Variants in AMZ2 observed in about 807,000 individuals in gnomAD.
AMZ2 encodes archaelysin family metallopeptidase 2, also known as archaemetzincin-2.
In AMZ2, 26 loss-of-function variants were observed where a neutral mutation model predicts 36.7. The ratio of observed to expected loss-of-function variants is 0.71; its 90% confidence interval spans 0.52 to 0.98. AMZ2 has a LOEUF of 0.98. Ranked by LOEUF, AMZ2 falls within the 50% of genes least tolerant of loss-of-function variation. The pLI is 0.00. For missense variants in AMZ2, 394 were observed against 430.5 expected, an observed-to-expected ratio of 0.92 and a Z score of 0.75; for synonymous variants, 144 against 149.1, an observed-to-expected ratio of 0.97 and a Z score of 0.25.
intron 5 of AMZ2, among the ~76,000 whole-genome samples, chr17:68,254,806 C>G (rs2074772675): frequency 6.6e-6 from 1 of 152,188 alleles, no homozygotes; most frequent in Non-Finnish European, 1.5e-5. Flanking sequence ...TGGCTGTACC[C>G]ATGTGCTATT....
chr17:68,222,783 G>A (rs1247453140), intron 1 of AMZ2, among the ~76,000 whole-genome samples: 9 of 152,188 alleles, frequency 5.9e-5, no homozygotes, highest in East Asian at 5.8e-4. Context: ...ATGGTAATGC[G>A]AGCAATAAGG....
At chr17:68,250,086 A>T (rs1163844350) in intron 1 of AMZ2, 102 bp from the exon 2 acceptor site, 3 of 1,292,124 alleles carry the variant, frequency 2.3e-6, no homozygotes, top group Non-Finnish European at 3.2e-6. Context: ...GCAATCAGTC[A>T]TTTCACTCTA....
chr17:68,209,634 T>A (rs56334411), intron 1 of AMZ2, among the ~76,000 whole-genome samples: 2,705 of 84,332 alleles, frequency 0.032, 21 homozygotes, highest in Non-Finnish European at 0.047. Context: ...ATATATATAT[T>A]TTTTTTTTTT....
At chr17:68,241,881 A>T (rs1599372812) in intron 1 of AMZ2, among the ~76,000 whole-genome samples, 1 of 149,014 alleles carries the variant, frequency 6.7e-6, no homozygotes, top group South Asian at 2.1e-4. Flanking sequence ...GCACCACCAC[A>T]CCTGGCTAAT....
chr17:68,244,935 T>C (rs1407568131), upstream of AMZ2, among the ~76,000 whole-genome samples: 1 of 152,216 alleles, frequency 6.6e-6, no homozygotes, highest in African/African-American at 2.4e-5. Context: ...TCATGGTGTT[T>C]ATCTTTTCTG....
chr17:68,239,986 G>A (rs1452021631), intron 1 of AMZ2, among the ~76,000 whole-genome samples: 2 of 152,204 alleles, frequency 1.3e-5, no homozygotes. Context: ...AAATGAGAGG[G>A]TGTATTTTAG....
chr17:68,248,575 C>T lies in AMZ2; in HGVS notation c.-131C>T, dbSNP rs2074196041. On this transcript the variant is annotated 5_prime_UTR_variant, in exon 1 of 7. Coordinates refer to ENST00000359904, the MANE Select transcript of AMZ2 (RefSeq NM_016627.5). ...TTAGGCTTGGGAGGCAAGAGGAGGC[C>T]TCCTGACCTTTCACACTGCCTTTTT... 1 of 986,014 alleles carries T rather than the reference C, an allele frequency of 1.0e-6. No individual in the cohort carries two copies. Among genetic ancestry groups the T allele is most frequent in the Non-Finnish European group, 1.2e-6 (1 of 830,028 alleles). 61.1% of individuals were successfully genotyped at this position (986,014 alleles called of 1,614,324 possible). A position where few individuals can be genotyped will look rare whatever the true frequency, so the allele number is the denominator to read the frequency against.
At chr17:68,256,703 C>T (rs1434828671) in intron 6 of AMZ2, 111 bp from the exon 7 acceptor site, 14 of 1,051,814 alleles carry the variant, frequency 1.3e-5, no homozygotes, top group Non-Finnish European at 1.8e-5. Flanking sequence ...TCAAATGCAG[C>T]GTCTTCATGG....
intron 1 of AMZ2, among the ~76,000 whole-genome samples, chr17:68,209,576 T>C (rs1040483528): frequency 5.9e-5 from 8 of 135,736 alleles, no homozygotes; most frequent in African/African-American, 2.3e-4. Context: ...AAGAAAATAA[T>C]TGTGGGTGTG....
intron 1 of AMZ2, among the ~76,000 whole-genome samples, chr17:68,210,671 G>A (rs1276694740): frequency 2.0e-5 from 3 of 152,194 alleles, no homozygotes; most frequent in Non-Finnish European, 4.4e-5. Context: ...GAGACAACCA[G>A]GTGTGGTAGC....
At chr17:68,218,122 T>C (rs2073250169) in intron 1 of AMZ2, among the ~76,000 whole-genome samples, 1 of 152,044 alleles carries the variant, frequency 6.6e-6, no homozygotes, top group Non-Finnish European at 1.5e-5. Context: ...AAAAAAAAGG[T>C]TCTTATACAT....
chr17:68,241,203 A>G (rs2073893802), intron 1 of AMZ2, among the ~76,000 whole-genome samples: 1 of 152,326 alleles, frequency 6.6e-6, no homozygotes, highest in African/African-American at 2.4e-5. Context: ...AAAGAATCAG[A>G]GAATCATAAA....
chr17:68,247,036 C>T (rs1432825957), upstream of AMZ2: 1 of 148,820 alleles, frequency 6.7e-6, no homozygotes, highest in African/African-American at 2.5e-5. Context: ...GGTGAAAACC[C>T]GTATTAAAAA....
chr17:68,250,314 C>T lies in AMZ2; in HGVS notation c.127C>T (p.Pro43Ser). ...ACGTTTAATGAATGAAGCCTTCCAG[C>T]CAGCCAGTGATCTCTTTGGACCCAT... is the stretch of plus-strand genomic sequence containing the variant. ...EQRLMNEAFQ[P>S]ASDLFGPITL... Residue 43 changes from proline to serine, a missense_variant, in exon 2 of 7, where the codon CCA becomes TCA. Coordinates refer to ENST00000359904, the MANE Select transcript of AMZ2 (RefSeq NM_016627.5). The T allele has an allele frequency of 6.2e-7, 1 of 1,614,186 alleles. No individual in the cohort carries two copies.
At chr17:68,252,885 T>C (rs1555740578) in intron 4 of AMZ2, among the ~76,000 whole-genome samples, 1 of 152,238 alleles carries the variant, frequency 6.6e-6, no homozygotes, top group African/African-American at 2.4e-5. Context: ...ACTTATCTTA[T>C]GTGTTTGAGG....
At chr17:68,221,222 C>CGA (rs71142150) in intron 1 of AMZ2, among the ~76,000 whole-genome samples, 19 of 85,624 alleles carry the variant, frequency 2.2e-4, no homozygotes, top group South Asian at 8.8e-4. Context: ...CCCCCCCGCC[C>CGA]CCCCGGTAGC....
At chr17:68,240,311 A>C (rs1555733749) in intron 1 of AMZ2, among the ~76,000 whole-genome samples, 1 of 152,234 alleles carries the variant, frequency 6.6e-6, no homozygotes, top group African/African-American at 2.4e-5. Flanking sequence ...GTCTCAACAT[A>C]TAAATTTTGT....
chr17:68,245,617 AG>A (rs1292719143), upstream of AMZ2, among the ~76,000 whole-genome samples: 1 of 152,176 alleles, frequency 6.6e-6, no homozygotes, highest in Non-Finnish European at 1.5e-5. Context: ...TTTGTGAGCA[AG>A]TACAAAGTTC....
At chr17:68,249,659 G>A (rs1385093100) in intron 1 of AMZ2, 1 of 148,748 alleles carries the variant, frequency 6.7e-6, no homozygotes, top group Admixed American at 6.8e-5. Flanking sequence ...GTCACCGTGA[G>A]GTTTTTTTTT....
Sources: gnomAD v4.1 joint callset for allele counts (sites outside exome capture counted in the v4.1 genomes callset) on GRCh38, gnomAD v4.1.1 for gene constraint, MANE v1.5 for transcripts, NCBI Gene and HGNC (gene_info 2026-07-23, HGNC 2026-07-21) for gene names.